The following FAT3 variants were observed in gnomAD, a reference collection of about 807,000 sequenced individuals.
The protein encoded by FAT3 is FAT atypical cadherin 3, also known as protocadherin Fat 3.
FAT3 carries 95 observed loss-of-function variants against 310.2 expected under a neutral mutation model. That is an observed-to-expected ratio of 0.31 (90% CI 0.26 to 0.36). The LOEUF is 0.36. FAT3 is among the 10% of genes least tolerant of loss of function. The pLI, the probability that FAT3 is intolerant of heterozygous loss-of-function variation, is 1.00. For missense variants in FAT3, 5,408 were observed against 5,715.6 expected (o/e 0.95, Z 1.74); for synonymous variants, 2,314 against 2,192.9 (o/e 1.06, Z -1.54).
chr11:92,723,835 A>T (rs1011760411), intron 4 of FAT3, among the ~76,000 whole-genome samples: 3 of 152,142 alleles, frequency 2.0e-5, no homozygotes, highest in Non-Finnish European at 4.4e-5. Context: ...AGACCAGCCC[A>T]CATGATTCAA....
At position 92,355,236 on chromosome 11, in the gene FAT3, T is replaced by A; in HGVS notation, c.3124T>A (p.Tyr1042Asn). The stretch of plus-strand genomic sequence containing the variant: ...TGTCAATGAAAACCTCCACACTCCC[T>A]ATTTCCCAGACTTTGCTGTTGTTGG... ...VDVNENLHTP[Y>N]FPDFAVVGSV... Residue 1042 changes from tyrosine to asparagine, a missense_variant, in exon 2 of 28, where the codon TAT becomes AAT. By Grantham distance (143) the Tyr-to-Asn change is moderately radical. Around this residue, in one of 5 missense-constraint regions of FAT3, gnomAD observed 4,588 missense variants for 4,809.8 expected, o/e 0.95. Transcript: ENST00000525166. 1 of 1,613,818 alleles carries A rather than the reference T, an allele frequency of 6.2e-7. No homozygotes were observed. Among genetic ancestry groups the A allele is most frequent in the Non-Finnish European group, 8.5e-7 (1 of 1,179,862 alleles).
At chr11:92,254,864 C>A (rs901761827) in intron 1 of FAT3, among the ~76,000 whole-genome samples, 2 of 152,070 alleles carry the variant, frequency 1.3e-5, no homozygotes, top group African/African-American at 4.8e-5. Context: ...TGCCACCATG[C>A]CCAGCTAATT....
At chr11:92,419,203 T>A (rs765970429) in intron 2 of FAT3, among the ~76,000 whole-genome samples, 9 of 152,192 alleles carry the variant, frequency 5.9e-5, no homozygotes, top group Non-Finnish European at 1.2e-4. Context: ...TTATTTTCCT[T>A]ATGTAAGTGA....
intron 3 of FAT3, among the ~76,000 whole-genome samples, chr11:92,544,406 G>T (rs1269837778): frequency 3.3e-5 from 5 of 152,134 alleles, no homozygotes; most frequent in Non-Finnish European, 5.9e-5. Flanking sequence ...AATATTTCAG[G>T]TGATGGATAT....
chr11:92,280,971 T>C (rs1231212840), intron 1 of FAT3, among the ~76,000 whole-genome samples: 1 of 152,224 alleles, frequency 6.6e-6, no homozygotes, highest in African/African-American at 2.4e-5. Context: ...CCTCTAAGAA[T>C]CTGTTTTAGT....
chr11:92,886,091 G>GC (rs753894549), intron 24 of FAT3, among the ~76,000 whole-genome samples: 1 of 152,152 alleles, frequency 6.6e-6, no homozygotes, highest in Non-Finnish European at 1.5e-5. Context: ...GGTGATCACT[G>GC]CCCTCACTCC....
intron 24 of FAT3, among the ~76,000 whole-genome samples, chr11:92,885,524 C>T (rs1256227271): frequency 6.6e-6 from 1 of 152,170 alleles, no homozygotes; most frequent in African/African-American, 2.4e-5. Context: ...CCCCAACTTG[C>T]TATCTGCTGA....
intron 23 of FAT3, among the ~76,000 whole-genome samples, chr11:92,881,662 C>T (rs1646102416): frequency 6.6e-6 from 1 of 151,934 alleles, no homozygotes; most frequent in African/African-American, 2.4e-5. Flanking sequence ...GGTAGATTAC[C>T]AAAAATATAG....
chr11:92,263,498 T>C (rs994201728), intron 1 of FAT3, among the ~76,000 whole-genome samples: 1 of 152,084 alleles, frequency 6.6e-6, no homozygotes, highest in Non-Finnish European at 1.5e-5. Flanking sequence ...AAAACTTTTC[T>C]TCCTTCCTCT....
intron 4 of FAT3, among the ~76,000 whole-genome samples, chr11:92,755,878 T>C (rs1242625476): frequency 6.6e-6 from 1 of 152,200 alleles, no homozygotes; most frequent in Non-Finnish European, 1.5e-5. Flanking sequence ...TTGGTTGATC[T>C]CCCAGTTTGC....
chr11:92,631,485 T>A (rs1000611633), intron 3 of FAT3, among the ~76,000 whole-genome samples: 3 of 152,042 alleles, frequency 2.0e-5, no homozygotes, highest in Admixed American at 6.5e-5. Context: ...CTCATGATAG[T>A]GAGTGAGTTC....
At chr11:92,772,104 C>G (rs555130022) in intron 6 of FAT3, among the ~76,000 whole-genome samples, 1 of 152,210 alleles carries the variant, frequency 6.6e-6, no homozygotes, top group African/African-American at 2.4e-5. Context: ...TTAAAATGAT[C>G]AACATTAGAG....
intron 1 of FAT3, among the ~76,000 whole-genome samples, chr11:92,344,148 T>G (rs1029428708): frequency 2.0e-5 from 3 of 152,174 alleles, no homozygotes; most frequent in African/African-American, 7.2e-5. Flanking sequence ...AGACAATAGG[T>G]GCTGTAGTCC....
chr11:92,662,710 G>A (rs1251724433), intron 3 of FAT3, among the ~76,000 whole-genome samples: 1 of 152,156 alleles, frequency 6.6e-6, no homozygotes, highest in African/African-American at 2.4e-5. Flanking sequence ...GAAGCCGGAT[G>A]AACACCAGAG....
intron 4 of FAT3, among the ~76,000 whole-genome samples, chr11:92,712,200 C>T (rs1322625239): frequency 1.3e-5 from 2 of 152,048 alleles, no homozygotes; most frequent in African/African-American, 4.8e-5. Context: ...AGCAAAATCC[C>T]TTCAGATGAT....
At chr11:92,397,482 T>C (rs1949899825) in intron 2 of FAT3, among the ~76,000 whole-genome samples, 1 of 152,162 alleles carries the variant, frequency 6.6e-6, no homozygotes, top group Admixed American at 6.5e-5. Context: ...ATGCCTCACA[T>C]AGTTTCTTTT....
intron 13 of FAT3, among the ~76,000 whole-genome samples, chr11:92,821,091 G>T (rs1390953901): frequency 5.3e-5 from 8 of 152,092 alleles, no homozygotes; most frequent in Admixed American, 1.3e-4. Flanking sequence ...TGGATTCATG[G>T]GCCTTCCATG....
intron 1 of FAT3, among the ~76,000 whole-genome samples, chr11:92,328,534 G>A (rs1947822966): frequency 6.6e-6 from 1 of 152,162 alleles, no homozygotes; most frequent in East Asian, 1.9e-4. Flanking sequence ...GGATTAATCA[G>A]AAATTGTTCA....
chr11:92,525,103 A>G (rs566477263), intron 3 of FAT3, among the ~76,000 whole-genome samples, 155 bp downstream of exon 3: 1 of 152,244 alleles, frequency 6.6e-6, no homozygotes, highest in African/African-American at 2.4e-5. Context: ...ACTTCTGCCT[A>G]TGTGGTATGT....
Sources: gnomAD v4.1 joint callset for allele counts (sites outside exome capture counted in the v4.1 genomes callset) on GRCh38, gnomAD v4.1.1 for gene constraint, gnomAD v4.1.1 regional missense constraint, MANE v1.5 for transcripts, NCBI Gene and HGNC (gene_info 2026-07-23, HGNC 2026-07-21) for gene names.